Variants in PID1 observed in about 807,000 individuals in gnomAD.
PID1 encodes the protein phosphotyrosine interaction domain containing 1, also known as PTB-containing, cubilin and LRP1-interacting protein.
Under a neutral mutation model 19.1 loss-of-function variants are expected in PID1, and 10 were observed. That is an observed-to-expected ratio of 0.52 (90% CI 0.32 to 0.89). PID1 has a LOEUF of 0.89. PID1 is among the 40% of genes least tolerant of loss of function. The probability of loss-of-function intolerance (pLI) is 0.03; values close to 1 mark genes in which losing one functional copy is unlikely to be tolerated. For synonymous variants in PID1, 130 were observed against 116.0 expected, an observed-to-expected ratio of 1.12 and a Z score of -0.78; for missense variants, 248 against 285.3, an observed-to-expected ratio of 0.87 and a Z score of 0.94.
chr2:229,139,033 A>G (rs1278302155), intron 2 of PID1, among the ~76,000 whole-genome samples: 15 of 65,628 alleles, frequency 2.3e-4, no homozygotes, highest in African/African-American at 7.2e-4. Flanking sequence ...GAAAGAAAGA[A>G]AGAAAGAGAA....
At chr2:229,090,524 C>T (rs950783184) in intron 2 of PID1, among the ~76,000 whole-genome samples, 1 of 152,176 alleles carries the variant, frequency 6.6e-6, no homozygotes, top group African/African-American at 2.4e-5. Flanking sequence ...TAGCTTCCAA[C>T]TTCCCGATGC....
intron 1 of PID1, among the ~76,000 whole-genome samples, chr2:229,269,737 G>T (rs559552332): frequency 1.5e-4 from 23 of 152,314 alleles, no homozygotes; most frequent in Middle Eastern, 3.4e-3. Flanking sequence ...AGTAAGACAA[G>T]GAGGGGGTTA....
At chr2:229,073,025 T>C (rs1430394860) in intron 2 of PID1, among the ~76,000 whole-genome samples, 1 of 152,028 alleles carries the variant, frequency 6.6e-6, no homozygotes, top group Non-Finnish European at 1.5e-5. Context: ...ATTGCTGCCA[T>C]TTATTTATTT....
intron 2 of PID1, among the ~76,000 whole-genome samples, chr2:229,059,514 A>G (rs1283267902): frequency 6.6e-6 from 1 of 152,188 alleles, no homozygotes; most frequent in Non-Finnish European, 1.5e-5. Flanking sequence ...CAGAAAAGCA[A>G]ACTGACTTGT....
At chr2:229,230,323 G>A (rs1216572704) in intron 1 of PID1, among the ~76,000 whole-genome samples, 3 of 152,224 alleles carry the variant, frequency 2.0e-5, no homozygotes, top group Admixed American at 6.5e-5. Flanking sequence ...GGGAGAGACA[G>A]AGACTGACTG....
chr2:229,035,657 G>A (rs1693648956), intron 2 of PID1, among the ~76,000 whole-genome samples: 1 of 152,074 alleles, frequency 6.6e-6, no homozygotes, highest in Non-Finnish European at 1.5e-5. Flanking sequence ...TAGAACCCAA[G>A]TCCTCCACCA....
intron 2 of PID1, among the ~76,000 whole-genome samples, chr2:229,090,997 T>A (rs190110765): frequency 4.6e-5 from 7 of 152,326 alleles, no homozygotes; most frequent in Admixed American, 4.6e-4. Context: ...AGGGCCTTCA[T>A]CTCTGTATCT....
intron 1 of PID1, among the ~76,000 whole-genome samples, chr2:229,228,733 AGG>A (rs1692137040): frequency 1.0e-5 from 1 of 98,560 alleles, no homozygotes; most frequent in African/African-American, 4.4e-5. Flanking sequence ...TTAAACAAAA[AGG>A]TATCTGCTAA....
chr2:229,213,506 T>G (rs371395028), intron 1 of PID1, among the ~76,000 whole-genome samples: 2 of 152,198 alleles, frequency 1.3e-5, no homozygotes, highest in Admixed American at 6.5e-5. Context: ...CAAGCATTGA[T>G]TCGGGGAAGG....
intron 2 of PID1, among the ~76,000 whole-genome samples, chr2:229,026,815 A>C (rs983959671): frequency 1.3e-5 from 2 of 152,252 alleles, no homozygotes; most frequent in African/African-American, 4.8e-5. Context: ...CTTATCACCT[A>C]GCTAGGTAGG....
rs2106227913 is a variant in PID1 at position 229,187,825 on chromosome 2, A to G, written c.31-31861T>C. ...TTTTCCCATTTCTCCCATCCCCTCT[A>G]TAGAAAACCTCAGTTTTAAAGTTGC... On this transcript the variant is annotated intron_variant, in intron 1 of 2. Transcript: ENST00000392055. Among the ~76,000 whole-genome samples the G allele has an allele frequency of 1.3e-5, 2 of 152,190 alleles. 1 individual carries two copies. The highest frequency in any genetic ancestry group is 4.2e-4 in the South Asian group (2 of 4,818).
chr2:229,219,996 A>G (rs1169442598), intron 1 of PID1, among the ~76,000 whole-genome samples: 1 of 151,790 alleles, frequency 6.6e-6, no homozygotes, highest in Non-Finnish European at 1.5e-5. Context: ...AAATTCCATG[A>G]CACCATTTGT....
chr2:229,047,071 C>T (rs533309327), intron 2 of PID1, among the ~76,000 whole-genome samples: 1 of 152,316 alleles, frequency 6.6e-6, no homozygotes, highest in Non-Finnish European at 1.5e-5. Context: ...CCCCACAAAG[C>T]CTGTAGTCAC....
At chr2:229,030,931 T>C (rs1255261342) in intron 2 of PID1, among the ~76,000 whole-genome samples, 2 of 152,146 alleles carry the variant, frequency 1.3e-5, no homozygotes, top group East Asian at 3.9e-4. Flanking sequence ...AGAAATACTG[T>C]TAATGGCCGG....
At chr2:229,199,211 T>C (rs1691439446) in intron 1 of PID1, among the ~76,000 whole-genome samples, 1 of 152,024 alleles carries the variant, frequency 6.6e-6, no homozygotes, top group Admixed American at 6.6e-5. Context: ...CTCAGAAAGG[T>C]CTTCCTTCTC....
At position 229,176,037 on chromosome 2, in the gene PID1, A is replaced by C. The variant is rs376315218; in HGVS notation, c.31-20073T>G. The stretch of plus-strand genomic sequence containing the variant: ...AACATCTATCAAAGCTACAAATTTG[A>C]AACAGGTGCATATTTAGCATGTAAA... On this transcript the variant is annotated intron_variant, in intron 1 of 2. Transcript: ENST00000392055. Among the ~76,000 whole-genome samples the C allele has an allele frequency of 2.2e-4, 33 of 152,314 alleles. No homozygotes were observed. The South Asian group carries it at 5.6e-3, about 26-fold the overall frequency.
intron 2 of PID1, among the ~76,000 whole-genome samples, chr2:229,096,977 G>A (rs1219491646): frequency 6.6e-6 from 1 of 152,162 alleles, no homozygotes; most frequent in East Asian, 1.9e-4. Flanking sequence ...GCACTGGGAA[G>A]TCAGCTGTGA....
At chr2:229,069,190 G>A (rs1047488336) in intron 2 of PID1, among the ~76,000 whole-genome samples, 17 of 129,642 alleles carry the variant, frequency 1.3e-4, no homozygotes, top group African/African-American at 5.0e-4. Flanking sequence ...AGATGAGGGA[G>A]CAAGTAGGGT....
intron 2 of PID1, among the ~76,000 whole-genome samples, chr2:229,142,062 C>T (rs62190382): frequency 0.069 from 10,457 of 151,950 alleles, 529 homozygotes; most frequent in South Asian, 0.22. Flanking sequence ...TTTATGACCC[C>T]GTGTTATTTA....
Sources: allele counts gnomAD v4.1 joint callset (sites outside exome capture counted in the v4.1 genomes callset), GRCh38; gene constraint gnomAD v4.1.1; transcripts MANE v1.5; gene names NCBI Gene and HGNC (gene_info 2026-07-23, HGNC 2026-07-21).